The following GRID2 variants were observed in gnomAD, a reference collection of about 807,000 sequenced individuals.
GRID2 encodes glutamate receptor ionotropic, delta-2.
GRID2 carries 33 observed loss-of-function variants against 114.8 expected under a neutral mutation model. The observed-to-expected ratio is 0.29, with a 90% CI of 0.22 to 0.38. The LOEUF (loss-of-function observed/expected upper bound fraction) is 0.38, where lower values mean the gene tolerates loss of function less well. GRID2 is among the 10% of genes least tolerant of loss of function. The pLI is 1.00. For missense variants in GRID2, 1,184 were observed against 1,257.7 expected, an observed-to-expected ratio of 0.94 and a Z score of 0.89; for synonymous variants, 505 against 449.9, an observed-to-expected ratio of 1.12 and a Z score of -1.55.
At chr4:93,366,377 C>T (rs1189761927) in intron 8 of GRID2, among the ~76,000 whole-genome samples, 3 of 152,046 alleles carry the variant, frequency 2.0e-5, no homozygotes, top group East Asian at 3.9e-4. Context: ...GTGAGATAGA[C>T]TCCAGTCTCC....
At chr4:93,749,141 C>A (rs78963552) in intron 14 of GRID2, among the ~76,000 whole-genome samples, 14 of 151,836 alleles carry the variant, frequency 9.2e-5, no homozygotes, top group African/African-American at 3.4e-4. Flanking sequence ...GGCTGAGGTG[C>A]GGGAAAGAAG....
At chr4:92,316,025 C>CCCGTTCTGTTGTT (rs1725962207) in intron 1 of GRID2, among the ~76,000 whole-genome samples, 1 of 118,826 alleles carries the variant, frequency 8.4e-6, no homozygotes, top group African/African-American at 3.4e-5. Context: ...GAAAAGAGAA[C>CCCGTTCTGTTGTT]CCGTTCTGTT....
chr4:92,321,634 G>A (rs1025677880), intron 1 of GRID2, among the ~76,000 whole-genome samples: 14 of 152,136 alleles, frequency 9.2e-5, no homozygotes, highest in South Asian at 2.1e-4. Context: ...GCTCCAATGG[G>A]AAGGAAGGGT....
intron 2 of GRID2, among the ~76,000 whole-genome samples, chr4:92,988,237 C>T (rs1004385458): frequency 4.6e-5 from 7 of 152,076 alleles, no homozygotes; most frequent in Non-Finnish European, 8.8e-5. Flanking sequence ...CATCTCAAGG[C>T]TCAACTGGGG....
chr4:93,730,729 C>T (rs756663037), intron 14 of GRID2, among the ~76,000 whole-genome samples: 9 of 152,214 alleles, frequency 5.9e-5, no homozygotes, highest in Non-Finnish European at 1.3e-4. Flanking sequence ...TGGAAAAGTA[C>T]TGAGTACTGA....
At chr4:92,657,890 G>A (rs1052929868) in intron 2 of GRID2, among the ~76,000 whole-genome samples, 1 of 151,638 alleles carries the variant, frequency 6.6e-6, no homozygotes, top group Admixed American at 6.6e-5. Flanking sequence ...GTGGCAAATT[G>A]AAATAACATG....
intron 1 of GRID2, among the ~76,000 whole-genome samples, chr4:92,380,231 A>C (rs1382295930): frequency 2.0e-5 from 3 of 151,638 alleles, no homozygotes; most frequent in African/African-American, 7.3e-5. Flanking sequence ...GTAATGATAT[A>C]ATTGAAAGAT....
intron 2 of GRID2, among the ~76,000 whole-genome samples, chr4:93,043,336 A>G (rs550754449): frequency 6.6e-6 from 1 of 152,194 alleles, no homozygotes; most frequent in African/African-American, 2.4e-5. Flanking sequence ...AGTAAAAGAG[A>G]TAATCCTTGC....
chr4:93,514,661 G>A (rs548033937), intron 12 of GRID2, among the ~76,000 whole-genome samples: 1 of 152,182 alleles, frequency 6.6e-6, no homozygotes, highest in Non-Finnish European at 1.5e-5. Flanking sequence ...AATTATTGAT[G>A]TGAGGCATTT....
At chr4:93,793,328 G>A (rs1400146972) in intron 1 of GRID2, among the ~76,000 whole-genome samples, 2 of 152,114 alleles carry the variant, frequency 1.3e-5, no homozygotes, top group Non-Finnish European at 2.9e-5. Context: ...CCTTCCCTAA[G>A]AGATTAAAGA....
chr4:92,847,430 A>G (rs1005489192), intron 2 of GRID2, among the ~76,000 whole-genome samples: 1 of 152,054 alleles, frequency 6.6e-6, no homozygotes, highest in Non-Finnish European at 1.5e-5. Context: ...TTTAAGTTAT[A>G]TCTCGCTGGC....
intron 2 of GRID2, among the ~76,000 whole-genome samples, chr4:92,706,846 A>G (rs759550125): frequency 2.0e-5 from 3 of 152,168 alleles, no homozygotes; most frequent in Non-Finnish European, 4.4e-5. Context: ...AGTGAAATAA[A>G]ATGATGCTTT....
intron 2 of GRID2, among the ~76,000 whole-genome samples, chr4:92,603,406 A>G (rs1393181155): frequency 1.3e-5 from 2 of 152,134 alleles, no homozygotes; most frequent in African/African-American, 2.4e-5. Context: ...ATCTACAACC[A>G]TTTGATCTTA....
chr4:92,556,225 G>A (rs1726843409), intron 1 of GRID2, among the ~76,000 whole-genome samples: 2 of 152,144 alleles, frequency 1.3e-5, no homozygotes, highest in South Asian at 2.1e-4. Context: ...TAGAAGCTAA[G>A]GATTTTCCAA....
At chr4:93,076,298 T>G (rs955995881) in intron 2 of GRID2, among the ~76,000 whole-genome samples, 20 of 152,102 alleles carry the variant, frequency 1.3e-4, no homozygotes, top group Non-Finnish European at 2.6e-4. Context: ...GAATAGGAAC[T>G]AGAGATGAGC....
At chr4:92,666,660 T>TTTTTTTTTTTTTTTC (rs1732799947) in intron 2 of GRID2, among the ~76,000 whole-genome samples, 1 of 148,126 alleles carries the variant, frequency 6.8e-6, no homozygotes, top group Non-Finnish European at 1.5e-5. Context: ...GTTTTTTTTT[T>TTTTTTTTTTTTTTTC]TTTTTTTTTT....
intron 2 of GRID2, among the ~76,000 whole-genome samples, chr4:92,792,289 GA>G (rs1267407166): frequency 6.6e-6 from 1 of 151,786 alleles, no homozygotes; most frequent in Non-Finnish European, 1.5e-5. Flanking sequence ...AAGGTCACGT[GA>G]AGTTCAGAGT....
intron 8 of GRID2, among the ~76,000 whole-genome samples, chr4:93,379,106 C>A (rs1763627403): frequency 6.6e-6 from 1 of 151,880 alleles, no homozygotes; most frequent in African/African-American, 2.4e-5. Flanking sequence ...TATGATTTGC[C>A]ACTAAGCAAA....
intron 2 of GRID2, among the ~76,000 whole-genome samples, chr4:92,933,772 A>T (rs1464332419): frequency 6.6e-6 from 1 of 151,432 alleles, no homozygotes; most frequent in South Asian, 2.1e-4. Context: ...TAAAATGAAA[A>T]ATTTTTCTTT....
Sources: allele counts gnomAD v4.1 joint callset (sites outside exome capture counted in the v4.1 genomes callset), GRCh38; gene constraint gnomAD v4.1.1; transcripts MANE v1.5; gene names NCBI Gene and HGNC (gene_info 2026-07-23, HGNC 2026-07-21).